The following STT3B variants were observed in gnomAD, a reference collection of about 807,000 sequenced individuals.
STT3B encodes STT3 oligosaccharyltransferase complex catalytic subunit B, also known as dolichyl-diphosphooligosaccharide--protein glycosyltransferase subunit STT3B.
Under a neutral mutation model 96.8 loss-of-function variants are expected in STT3B, and 29 were observed. The observed-to-expected ratio is 0.30, with a 90% CI of 0.22 to 0.41. The LOEUF is 0.41. STT3B is among the 10% of genes least tolerant of loss of function. STT3B has a pLI of 1.00. For synonymous variants in STT3B, 367 were observed against 360.0 expected, an observed-to-expected ratio of 1.02 and a Z score of -0.22; for missense variants, 640 against 1,022.3, an observed-to-expected ratio of 0.63 and a Z score of 5.10.
At chr3:31,573,146 G>T (rs1698196690) in intron 1 of STT3B, among the ~76,000 whole-genome samples, 1 of 152,066 alleles carries the variant, frequency 6.6e-6, no homozygotes, top group Admixed American at 6.6e-5. Flanking sequence ...ACTGAAAGAT[G>T]GAAAGAAGAG....
At chr3:31,613,836 A>G (rs1464759833) in intron 5 of STT3B, among the ~76,000 whole-genome samples, 1 of 151,942 alleles carries the variant, frequency 6.6e-6, no homozygotes, top group Non-Finnish European at 1.5e-5. Context: ...GGGTAATTCC[A>G]TTCCAACATT....
chr3:31,535,945 A>G (rs1697082029), intron 1 of STT3B, among the ~76,000 whole-genome samples: 1 of 152,204 alleles, frequency 6.6e-6, no homozygotes. Flanking sequence ...GGAGATTTGT[A>G]TAATAATGGA....
intron 1 of STT3B, among the ~76,000 whole-genome samples, chr3:31,566,327 T>G (rs1221380921): frequency 6.6e-6 from 1 of 152,210 alleles, no homozygotes; most frequent in Non-Finnish European, 1.5e-5. Flanking sequence ...AAATCCCATC[T>G]TGACCACTTC....
At chr3:31,539,569 A>G (rs1361336628) in intron 1 of STT3B, among the ~76,000 whole-genome samples, 1 of 152,132 alleles carries the variant, frequency 6.6e-6, no homozygotes, top group Non-Finnish European at 1.5e-5. Context: ...TTTTTTATTC[A>G]GGTGCCCCAA....
chr3:31,587,132 A>G lies in STT3B; in HGVS notation c.711+7036A>G, dbSNP rs538845948. Among the ~76,000 whole-genome samples, 5 of 152,210 alleles carry G rather than the reference A, an allele frequency of 3.3e-5. No homozygotes were observed. In the East Asian group the frequency reaches 9.7e-4, roughly 29 times the overall value. ...CCTTTACGTACTTTAGCTGTACCCC[A>G]TAAATTTTTTTATTGAAAAATAATT... On this transcript the variant is annotated intron_variant, in intron 3 of 15. Coordinates refer to ENST00000295770, the MANE Select transcript of STT3B (RefSeq NM_178862.3).
At chr3:31,539,465 A>T (rs1697200109) in intron 1 of STT3B, among the ~76,000 whole-genome samples, 1 of 152,196 alleles carries the variant, frequency 6.6e-6, no homozygotes, top group Admixed American at 6.5e-5. Context: ...GAATTGAAGG[A>T]TACAGATCTG....
In STT3B at chr3:31,582,855, T is replaced by G. The variant is rs551567065; in HGVS notation, c.711+2759T>G. ...TTATTTCCCAGTTTTCCTTCTGTTATTGATTTCTGACTTCATCCTGTTGTA... is the reference window on the plus strand; with the variant it reads ...TTATTTCCCAGTTTTCCTTCTGTTAGTGATTTCTGACTTCATCCTGTTGTA... On this transcript the variant is annotated intron_variant, in intron 3 of 15. Transcript: ENST00000295770. 2.0e-5 allele frequency among the ~76,000 whole-genome samples: 3 copies of G among 152,342 alleles called. No individual in the cohort carries two copies. In the East Asian group the frequency reaches 5.8e-4, roughly 29 times the overall value.
intron 1 of STT3B, among the ~76,000 whole-genome samples, chr3:31,544,333 A>G (rs577561217): frequency 3.3e-5 from 5 of 152,340 alleles, no homozygotes; most frequent in Non-Finnish European, 5.9e-5. Flanking sequence ...TGTCTTCATT[A>G]AAGTGTCTTT....
chr3:31,626,576 G>A (rs890082479), intron 13 of STT3B, among the ~76,000 whole-genome samples: 1 of 152,044 alleles, frequency 6.6e-6, no homozygotes, highest in Non-Finnish European at 1.5e-5. Flanking sequence ...TAAGGGAAAG[G>A]GTCTTAAAAC....
At chr3:31,600,298 C>A in intron 4 of STT3B, 62 bp from the exon 5 acceptor site, 1 of 712,596 alleles carries the variant, frequency 1.4e-6, no homozygotes, top group Non-Finnish European at 2.2e-6. Flanking sequence ...GTTTAGATTC[C>A]TAAATATACT....
chr3:31,614,310 G>T (rs1159744918), intron 5 of STT3B, among the ~76,000 whole-genome samples: 1 of 151,896 alleles, frequency 6.6e-6, no homozygotes, highest in Non-Finnish European at 1.5e-5. Context: ...TATTTCTAAT[G>T]AATTTTTAGT....
At chr3:31,587,481 C>G (rs1281260459) in intron 3 of STT3B, among the ~76,000 whole-genome samples, 1 of 152,034 alleles carries the variant, frequency 6.6e-6, no homozygotes, top group African/African-American at 2.4e-5. Context: ...TGGCCTCAAG[C>G]TACCCTCCCA....
chr3:31,632,789 A>G (rs1036491678), intron 14 of STT3B, 146 bp from the exon 15 acceptor site: 7 of 677,174 alleles, frequency 1.0e-5, no homozygotes, highest in African/African-American at 3.7e-5. Flanking sequence ...TTAGCAATAC[A>G]TGAGAACTAT....
At chr3:31,629,092 C>T (rs1032571814) in intron 13 of STT3B, among the ~76,000 whole-genome samples, 3 of 152,104 alleles carry the variant, frequency 2.0e-5, no homozygotes, top group Non-Finnish European at 2.9e-5. Context: ...GAGGACAGAA[C>T]GAGACATTGT....
At chr3:31,600,319 A>G in intron 4 of STT3B, 41 bp from the exon 5 acceptor site, 2 of 904,636 alleles carry the variant, frequency 2.2e-6, no homozygotes, top group African/African-American at 1.7e-5. Flanking sequence ...TATTTTAAAA[A>G]GTAAAAATAT....
intron 1 of STT3B, among the ~76,000 whole-genome samples, chr3:31,559,149 GTGT>G (rs1559365156): frequency 0.14 from 3,737 of 26,608 alleles, 229 homozygotes; most frequent in Admixed American, 0.35. Flanking sequence ...TTCTTGGGGT[GTGT>G]GTGTGTGTGT....
chr3:31,539,458 T>C (rs1460238839), intron 1 of STT3B, among the ~76,000 whole-genome samples: 2 of 152,160 alleles, frequency 1.3e-5, no homozygotes, highest in African/African-American at 2.4e-5. Context: ...CCCACAAGAA[T>C]TGAAGGATAC....
chr3:31,559,193 TC>T, intron 1 of STT3B, among the ~76,000 whole-genome samples: 1 of 146,646 alleles, frequency 6.8e-6, no homozygotes, highest in African/African-American at 2.5e-5. Context: ...GTGTGTGTTG[TC>T]TCTTTCATTT....
chr3:31,583,254 A>G, intron 3 of STT3B, among the ~76,000 whole-genome samples: 1 of 152,002 alleles, frequency 6.6e-6, no homozygotes, highest in East Asian at 1.9e-4. Context: ...TTCTTGCTGT[A>G]TTGAACTGTT....
Sources: allele counts gnomAD v4.1 joint callset (sites outside exome capture counted in the v4.1 genomes callset), GRCh38; gene constraint gnomAD v4.1.1; transcripts MANE v1.5; gene names NCBI Gene and HGNC (gene_info 2026-07-23, HGNC 2026-07-21).